Variants in AFF3 observed in about 807,000 individuals in gnomAD.
The protein encoded by AFF3 is AF4/FMR2 family member 3.
Under a neutral mutation model 129.7 loss-of-function variants are expected in AFF3, and 32 were observed. That is an observed-to-expected ratio of 0.25 (90% confidence interval 0.19 to 0.33). The LOEUF is 0.33. Among genes scored for constraint, AFF3 ranks in the 10% least tolerant of loss-of-function variants. AFF3 has a pLI of 1.00. For synonymous variants in AFF3, 644 were observed against 635.4 expected (o/e 1.01, Z -0.20); for missense variants, 1,373 against 1,592.0 (o/e 0.86, Z 2.34).
intron 11 of AFF3, among the ~76,000 whole-genome samples, chr2:99,695,938 G>GAAAA (rs10719354): frequency 2.6e-4 from 15 of 57,646 alleles, no homozygotes; most frequent in South Asian, 1.8e-3. Context: ...CTGGAAAAAT[G>GAAAA]AAAAAAAAAA....
chr2:99,814,074 TAC>T (rs1179570026), intron 8 of AFF3, among the ~76,000 whole-genome samples: 1 of 152,132 alleles, frequency 6.6e-6, no homozygotes, highest in African/African-American at 2.4e-5. Context: ...CCTGAGGGTC[TAC>T]AAGGGTTGAA....
chr2:99,886,118 C>T (rs895800114), intron 7 of AFF3, among the ~76,000 whole-genome samples: 1 of 152,206 alleles, frequency 6.6e-6, no homozygotes, highest in African/African-American at 2.4e-5. Context: ...TTAAAAATCT[C>T]TTTCAAATAT....
At chr2:99,707,199 C>T (rs749500440) in intron 11 of AFF3, 13 of 985,398 alleles carry the variant, frequency 1.3e-5, no homozygotes, top group Non-Finnish European at 1.6e-5. Flanking sequence ...TATTCTTCCC[C>T]ATCCACAGTT....
intron 23 of AFF3, 39 bp downstream of exon 23, chr2:99,554,644 G>A (rs556894313): frequency 1.9e-6 from 3 of 1,613,918 alleles, no homozygotes; most frequent in African/African-American, 2.7e-5. Context: ...ACCATGCATT[G>A]TCTGGCTTAC....
rs141895767 is a variant in AFF3, at chr2:99,631,602, T to C, written c.1184+18024A>G. On this transcript the variant is annotated intron_variant, in intron 13 of 24. Coordinates refer to ENST00000672756, the MANE Select transcript of AFF3 (RefSeq NM_001386135.1). ...ACTGCATATAAGTGGAATCATACAA[T>C]ATCTGTCCTTTTGTGACCATCTTCT... Among the ~76,000 whole-genome samples the C allele has an allele frequency of 2.6e-5, 4 of 152,340 alleles. No individual in the cohort carries two copies. The East Asian group carries it at 7.7e-4, about 29-fold the overall frequency.
chr2:99,790,527 C>T (rs1332086931), intron 8 of AFF3, among the ~76,000 whole-genome samples: 1 of 152,170 alleles, frequency 6.6e-6, no homozygotes, highest in African/African-American at 2.4e-5. Flanking sequence ...TTTGCTTTTA[C>T]AATTTTATTA....
chr2:99,599,053 A>T (rs1575469193), intron 14 of AFF3, among the ~76,000 whole-genome samples: 1 of 152,146 alleles, frequency 6.6e-6, no homozygotes, highest in South Asian at 2.1e-4. Flanking sequence ...CCAAAACCAC[A>T]CATAGCATCA....
chr2:100,126,812 T>G (rs1692212073), intron 2 of AFF3, among the ~76,000 whole-genome samples: 1 of 152,260 alleles, frequency 6.6e-6, no homozygotes, highest in African/African-American at 2.4e-5. Flanking sequence ...TCAATTATGT[T>G]TTCTCATTTC....
chr2:100,015,961 G>A (rs1480098654), intron 4 of AFF3, among the ~76,000 whole-genome samples: 4 of 151,920 alleles, frequency 2.6e-5, no homozygotes, highest in African/African-American at 9.7e-5. Flanking sequence ...TGGTGATGGT[G>A]ATGATGATGG....
chr2:99,980,633 T>C (rs1679319394), intron 7 of AFF3, among the ~76,000 whole-genome samples: 1 of 152,246 alleles, frequency 6.6e-6, no homozygotes, highest in African/African-American at 2.4e-5. Flanking sequence ...GGGCAGTTAT[T>C]ATCTGTATCA....
chr2:99,879,389 C>T (rs1226335642), intron 7 of AFF3, among the ~76,000 whole-genome samples: 2 of 152,186 alleles, frequency 1.3e-5, no homozygotes, highest in Admixed American at 1.3e-4. Context: ...TGCTCATCAA[C>T]TTCCTAGTAG....
At chr2:99,924,877 A>T (rs898090260) in intron 7 of AFF3, among the ~76,000 whole-genome samples, 2 of 144,422 alleles carry the variant, frequency 1.4e-5, no homozygotes, top group East Asian at 2.0e-4. Context: ...TGATTTATTA[A>T]TTTTTTTTTT....
At chr2:99,953,893 C>T (rs1475398185) in intron 7 of AFF3, among the ~76,000 whole-genome samples, 1 of 152,148 alleles carries the variant, frequency 6.6e-6, no homozygotes, top group African/African-American at 2.4e-5. Flanking sequence ...TGGCATGTTC[C>T]TTTGATCAAT....
intron 7 of AFF3, among the ~76,000 whole-genome samples, chr2:99,946,155 A>G (rs1332328723): frequency 2.0e-5 from 3 of 152,150 alleles, no homozygotes; most frequent in African/African-American, 7.2e-5. Flanking sequence ...AAGAGACCAC[A>G]TAGGCAGTAA....
chr2:99,686,139 G>A (rs1169962341), intron 11 of AFF3, among the ~76,000 whole-genome samples: 2 of 152,050 alleles, frequency 1.3e-5, no homozygotes, highest in African/African-American at 2.4e-5. Flanking sequence ...GCTATGAGCC[G>A]AGATTGCGCC....
At chr2:100,048,816 A>G (rs962504516) in intron 4 of AFF3, among the ~76,000 whole-genome samples, 4 of 152,216 alleles carry the variant, frequency 2.6e-5, no homozygotes, top group Non-Finnish European at 5.9e-5. Context: ...CAAAATTAAC[A>G]TGGGATTTCT....
chr2:99,837,656 T>C, intron 7 of AFF3, 132 bp from the exon 8 acceptor site: 1 of 727,674 alleles, frequency 1.4e-6, no homozygotes, highest in Non-Finnish European at 2.3e-6. Flanking sequence ...ATGCCTGACC[T>C]GGGACTGGCA....
At chr2:99,672,176 TCTCA>T (rs879000881) in intron 12 of AFF3, among the ~76,000 whole-genome samples, 467 of 37,260 alleles carry the variant, frequency 0.013, 8 homozygotes, top group South Asian at 0.019. Context: ...CCAGTTAGCT[TCTCA>T]CACACACACA....
chr2:99,747,850 TGC>T (rs1681298663), intron 9 of AFF3, among the ~76,000 whole-genome samples: 9 of 152,150 alleles, frequency 5.9e-5, no homozygotes, highest in Admixed American at 5.9e-4. Flanking sequence ...AAACAACAAC[TGC>T]TAGTGCCAAA....
Sources: allele counts gnomAD v4.1 joint callset (sites outside exome capture counted in the v4.1 genomes callset), GRCh38; gene constraint gnomAD v4.1.1; transcripts MANE v1.5; gene names NCBI Gene and HGNC (gene_info 2026-07-23, HGNC 2026-07-21).